Variants in FHIT observed in about 807,000 individuals in gnomAD.
FHIT encodes fragile histidine triad diadenosine triphosphatase.
FHIT carries 19 observed loss-of-function variants against 17.9 expected under a neutral mutation model. The ratio of observed to expected loss-of-function variants is 1.06; its 90% CI spans 0.74 to 1.56. FHIT has a LOEUF of 1.56. FHIT is among the 40% of genes most tolerant of loss of function. The probability of loss-of-function intolerance (pLI) is 0.00; values close to 1 mark genes in which losing one functional copy is unlikely to be tolerated. For synonymous variants in FHIT, 81 were observed against 69.7 expected (o/e 1.16, Z -0.81); for missense variants, 248 against 189.2 (o/e 1.31, Z -1.82).
At chr3:59,759,289 G>A (rs1464780178) in intron 8 of FHIT, among the ~76,000 whole-genome samples, 1 of 152,134 alleles carries the variant, frequency 6.6e-6, no homozygotes, top group African/African-American at 2.4e-5. Flanking sequence ...AGATAGGCAA[G>A]GAAGTAAAAG....
chr3:60,351,834 T>G (rs112488490), intron 5 of FHIT, among the ~76,000 whole-genome samples: 1,553 of 152,100 alleles, frequency 0.01, 33 homozygotes, highest in African/African-American at 0.035. Flanking sequence ...TATAGACCCA[T>G]GCAGAAACCA....
intron 3 of FHIT, among the ~76,000 whole-genome samples, chr3:61,018,304 TG>T (rs1276769765): frequency 2.0e-5 from 3 of 152,324 alleles, no homozygotes; most frequent in African/African-American, 7.2e-5. Flanking sequence ...TTTTGATTTT[TG>T]TTTCTTTTTC....
intron 4 of FHIT, among the ~76,000 whole-genome samples, chr3:60,820,598 T>C (rs1363034001): frequency 1.3e-5 from 2 of 152,148 alleles, no homozygotes; most frequent in Non-Finnish European, 2.9e-5. Context: ...CTGCCCAACT[T>C]TGCAAATTTT....
At chr3:60,312,722 C>G (rs1293987179) in intron 5 of FHIT, among the ~76,000 whole-genome samples, 1 of 152,026 alleles carries the variant, frequency 6.6e-6, no homozygotes, top group East Asian at 1.9e-4. Context: ...TGAGGGAGGA[C>G]CTACTTTATT....
chr3:60,143,981 G>A (rs1700136141), intron 5 of FHIT, among the ~76,000 whole-genome samples: 1 of 152,142 alleles, frequency 6.6e-6, no homozygotes. Context: ...GGCTTCCAAA[G>A]TAACAACACT....
At chr3:61,240,159 A>G (rs1019734326) in intron 1 of FHIT, among the ~76,000 whole-genome samples, 11 of 152,076 alleles carry the variant, frequency 7.2e-5, no homozygotes, top group Admixed American at 6.5e-4. Flanking sequence ...TCAGCTGTAG[A>G]TTTTTCTGAA....
intron 3 of FHIT, among the ~76,000 whole-genome samples, chr3:60,901,080 C>T (rs771308894): frequency 1.1e-4 from 16 of 152,184 alleles, no homozygotes; most frequent in Non-Finnish European, 2.1e-4. Context: ...TTGACATTCT[C>T]TTATCACCTA....
At chr3:59,809,398 T>A (rs1700326862) in intron 8 of FHIT, among the ~76,000 whole-genome samples, 1 of 152,246 alleles carries the variant, frequency 6.6e-6, no homozygotes, top group Admixed American at 6.5e-5. Flanking sequence ...AGAGAGAGCA[T>A]GATTCTGCTG....
chr3:60,297,115 G>C (rs1708248579), intron 5 of FHIT, among the ~76,000 whole-genome samples: 1 of 151,898 alleles, frequency 6.6e-6, no homozygotes, highest in South Asian at 2.1e-4. Context: ...ATCTGTTTTA[G>C]CTATTCTAGT....
chr3:59,947,939 G>A (rs1187346572), intron 7 of FHIT, among the ~76,000 whole-genome samples: 2 of 152,064 alleles, frequency 1.3e-5, no homozygotes, highest in African/African-American at 4.8e-5. Flanking sequence ...TAACATTAAT[G>A]CCCTTGAGAT....
At chr3:60,129,053 G>GTTTTTTT (rs72428863) in intron 5 of FHIT, among the ~76,000 whole-genome samples, 1 of 123,482 alleles carries the variant, frequency 8.1e-6, no homozygotes, top group African/African-American at 3.4e-5. Flanking sequence ...TTTTTTGTTT[G>GTTTTTTT]TTTTTTTTTT....
chr3:60,114,001 CCAAAAAAAAAAAAAAAA>C (rs1704811045), intron 5 of FHIT, among the ~76,000 whole-genome samples: 2 of 17,920 alleles, frequency 1.1e-4, no homozygotes, highest in African/African-American at 4.6e-4. Context: ...GACCCCGTCT[CCAAAAAAAAAAAAAAAA>C]AAAAAAAAAA....
intron 7 of FHIT, among the ~76,000 whole-genome samples, chr3:59,943,698 C>G (rs1372197151): frequency 2.0e-5 from 3 of 152,174 alleles, no homozygotes; most frequent in Non-Finnish European, 4.4e-5. Flanking sequence ...ATATTTGACT[C>G]TACCATGGAA....
chr3:60,583,208 A>G (rs2682962), intron 4 of FHIT, among the ~76,000 whole-genome samples: 86,028 of 151,644 alleles, frequency 0.57, 24,644 homozygotes, highest in Admixed American at 0.67. Context: ...GTTTTCACAA[A>G]CTGTTTTTGG....
At chr3:60,351,608 T>C (rs564882170) in intron 5 of FHIT, among the ~76,000 whole-genome samples, 1 of 152,338 alleles carries the variant, frequency 6.6e-6, no homozygotes, top group African/African-American at 2.4e-5. Flanking sequence ...AAGGATGAGC[T>C]AACTGATAAT....
intron 8 of FHIT, among the ~76,000 whole-genome samples, chr3:59,903,480 C>T (rs1704430885): frequency 6.6e-6 from 1 of 152,174 alleles, no homozygotes; most frequent in African/African-American, 2.4e-5. Context: ...AAGTTCTTAG[C>T]TTCATGTCTG....
chr3:61,091,551 G>A (rs1020286090), intron 2 of FHIT, among the ~76,000 whole-genome samples: 6 of 152,252 alleles, frequency 3.9e-5, no homozygotes, highest in East Asian at 1.9e-4. Flanking sequence ...TTGGGGTCAA[G>A]CAACGCAGAT....
At chr3:60,487,727 A>G (rs2033901329) in intron 5 of FHIT, among the ~76,000 whole-genome samples, 2 of 152,184 alleles carry the variant, frequency 1.3e-5, no homozygotes, top group African/African-American at 4.8e-5. Context: ...TCACATTTTA[A>G]TCATACAAAA....
At chr3:59,765,216 G>C (rs956609438) in intron 8 of FHIT, among the ~76,000 whole-genome samples, 2 of 152,194 alleles carry the variant, frequency 1.3e-5, no homozygotes, top group Non-Finnish European at 2.9e-5. Context: ...GTTTAAAGGA[G>C]TTTCACTGAT....
Sources: gnomAD v4.1 joint callset for allele counts (sites outside exome capture counted in the v4.1 genomes callset) on GRCh38, gnomAD v4.1.1 for gene constraint, MANE v1.5 for transcripts, NCBI Gene and HGNC (gene_info 2026-07-23, HGNC 2026-07-21) for gene names.